EYS: variants seen among roughly 807,000 people sequenced by gnomAD.
The protein encoded by EYS is EGF-like photoreceptor maintenance factor.
Under a neutral mutation model 282.1 loss-of-function variants are expected in EYS, and 250 were observed. The ratio of observed to expected loss-of-function variants is 0.89; its 90% CI spans 0.80 to 0.98. EYS has a LOEUF of 0.98. Among genes scored for constraint, EYS ranks in the 50% least tolerant of loss-of-function variants. The pLI, the probability that EYS is intolerant of heterozygous loss-of-function variation, is 0.00. For synonymous variants in EYS, 1,355 were observed against 1,282.9 expected, an observed-to-expected ratio of 1.06 and a Z score of -1.20; for missense variants, 4,016 against 3,709.0, an observed-to-expected ratio of 1.08 and a Z score of -2.15.
At chr6:64,210,115 CTGATT>C (rs1444716443) in intron 31 of EYS, among the ~76,000 whole-genome samples, 5 of 152,120 alleles carry the variant, frequency 3.3e-5, no homozygotes, top group Non-Finnish European at 4.4e-5. Context: ...TAATGCTGCT[CTGATT>C]TATTTTCTTT....
chr6:65,287,970 A>G (rs1768416772), intron 12 of EYS, among the ~76,000 whole-genome samples: 1 of 151,260 alleles, frequency 6.6e-6, no homozygotes, highest in South Asian at 2.1e-4. Flanking sequence ...AGGCAAAAAT[A>G]TAATGCCCAA....
At chr6:64,024,422 C>T (rs571040645) in intron 33 of EYS, among the ~76,000 whole-genome samples, 17 of 152,054 alleles carry the variant, frequency 1.1e-4, no homozygotes, top group East Asian at 1.9e-4. Context: ...GGATTGTAAA[C>T]GCACCAATCA....
chr6:64,604,089 C>T (rs1478063407), intron 24 of EYS, among the ~76,000 whole-genome samples: 1 of 151,814 alleles, frequency 6.6e-6, no homozygotes, highest in Non-Finnish European at 1.5e-5. Flanking sequence ...TTATGTGCTT[C>T]GCTCTCTGTA....
At chr6:65,517,686 A>T (rs1008884894) in intron 2 of EYS, among the ~76,000 whole-genome samples, 2 of 152,114 alleles carry the variant, frequency 1.3e-5, no homozygotes, top group Non-Finnish European at 2.9e-5. Flanking sequence ...AACATTTAAG[A>T]ATAGTAGTAT....
chr6:64,092,761 G>C (rs568296526), intron 31 of EYS, among the ~76,000 whole-genome samples: 6 of 151,610 alleles, frequency 4.0e-5, no homozygotes, highest in Admixed American at 1.3e-4. Flanking sequence ...AGTCTAATTA[G>C]ATCCCATTTG....
intron 36 of EYS, among the ~76,000 whole-genome samples, chr6:63,849,857 G>A (rs1218416059): frequency 6.6e-6 from 1 of 152,120 alleles, no homozygotes; most frequent in African/African-American, 2.4e-5. Flanking sequence ...GGCTTTAGAG[G>A]GTGGGTAATA....
intron 30 of EYS, among the ~76,000 whole-genome samples, chr6:64,291,487 A>G (rs1189036584): frequency 7.2e-5 from 11 of 152,128 alleles, no homozygotes; most frequent in Non-Finnish European, 4.4e-5. Context: ...AATAGATTTT[A>G]AAACATAAAT....
chr6:64,545,942 C>T (rs1764846395), intron 26 of EYS, among the ~76,000 whole-genome samples: 1 of 152,166 alleles, frequency 6.6e-6, no homozygotes, highest in South Asian at 2.1e-4. Flanking sequence ...AATGGCCATA[C>T]TGCCCAAGGT....
rs191343730 is a variant in EYS at position 64,296,796 on chromosome 6, G to A, written c.6191+10174C>T. On this transcript the variant is annotated intron_variant, in intron 30 of 42. Coordinates refer to ENST00000503581, the MANE Select transcript of EYS (RefSeq NM_001142800.2). ...TAACTTTTGTATTTTTAGTAGAGAC[G>A]GGGTTTCACCACATTGGCCAGACTG... Among the ~76,000 whole-genome samples, 4 of 151,616 alleles carry A rather than the reference G, an allele frequency of 2.6e-5. 1 individual carries two copies. The highest frequency in any genetic ancestry group is 2.6e-4 in the Admixed American group (4 of 15,218).
intron 2 of EYS, among the ~76,000 whole-genome samples, chr6:65,631,941 T>C (rs1367619170): frequency 6.6e-6 from 1 of 152,194 alleles, no homozygotes; most frequent in Non-Finnish European, 1.5e-5. Flanking sequence ...AGACACTCTT[T>C]AGTTCTCACA....
At chr6:64,460,985 T>TA (rs1397021237) in intron 26 of EYS, among the ~76,000 whole-genome samples, 1 of 151,970 alleles carries the variant, frequency 6.6e-6, no homozygotes, top group African/African-American at 2.4e-5. Context: ...ACTATGCAAA[T>TA]AAAAAAGTAC....
chr6:64,966,814 A>G (rs1390301004), intron 14 of EYS, among the ~76,000 whole-genome samples: 1 of 152,186 alleles, frequency 6.6e-6, no homozygotes, highest in Non-Finnish European at 1.5e-5. Flanking sequence ...TCCTTAATTT[A>G]ATTGCATCTG....
intron 15 of EYS, among the ~76,000 whole-genome samples, chr6:64,936,533 A>G (rs1768911494): frequency 6.6e-6 from 1 of 151,542 alleles, no homozygotes; most frequent in Non-Finnish European, 1.5e-5. Context: ...AAAAATCCTA[A>G]GGAATCGACC....
intron 22 of EYS, among the ~76,000 whole-genome samples, chr6:64,697,237 C>G (rs1770611332): frequency 6.6e-6 from 1 of 151,758 alleles, no homozygotes; most frequent in Non-Finnish European, 1.5e-5. Context: ...CAAATGAAAA[C>G]TAAAAGAAGC....
intron 9 of EYS, among the ~76,000 whole-genome samples, chr6:65,349,014 T>G (rs1770502588): frequency 6.6e-6 from 1 of 151,682 alleles, no homozygotes; most frequent in Non-Finnish European, 1.5e-5. Context: ...CTATTTCAAT[T>G]TAATCCAGAG....
intron 22 of EYS, among the ~76,000 whole-genome samples, chr6:64,643,118 C>CT: frequency 8.4e-6 from 1 of 118,974 alleles, no homozygotes; most frequent in South Asian, 3.0e-4. Flanking sequence ...TCCATCCCCC[C>CT]CCCCAAAAAA....
intron 12 of EYS, among the ~76,000 whole-genome samples, chr6:65,152,966 G>A (rs777023938): frequency 1.1e-4 from 17 of 149,544 alleles, no homozygotes; most frequent in Non-Finnish European, 1.8e-4. Flanking sequence ...CACAGACGGC[G>A]ACACTTGTAT....
At chr6:64,391,901 C>T (rs1276628163) in intron 28 of EYS, among the ~76,000 whole-genome samples, 3 of 152,080 alleles carry the variant, frequency 2.0e-5, no homozygotes, top group African/African-American at 4.8e-5. Flanking sequence ...CAGAGACACA[C>T]ATAGGCTCAA....
chr6:65,386,343 C>A (rs1765803616), intron 7 of EYS, among the ~76,000 whole-genome samples: 1 of 151,800 alleles, frequency 6.6e-6, no homozygotes, highest in Non-Finnish European at 1.5e-5. Context: ...ATCTGCACAA[C>A]AAATCCCCAT....
Sources: allele counts gnomAD v4.1 joint callset (sites outside exome capture counted in the v4.1 genomes callset), GRCh38; gene constraint gnomAD v4.1.1; transcripts MANE v1.5; gene names NCBI Gene and HGNC (gene_info 2026-07-23, HGNC 2026-07-21).